The following SND1 variants were observed in gnomAD, a reference collection of about 807,000 sequenced individuals.
SND1 encodes the protein staphylococcal nuclease domain-containing protein 1.
In SND1, 38 loss-of-function variants were observed where a neutral mutation model predicts 121.7. The ratio of observed to expected loss-of-function variants is 0.31; its 90% CI spans 0.24 to 0.41. SND1 has a LOEUF of 0.41. SND1 is among the 10% of genes least tolerant of loss of function. The pLI, the probability that SND1 is intolerant of heterozygous loss-of-function variation, is 1.00. For synonymous variants in SND1, 401 were observed against 447.4 expected, an observed-to-expected ratio of 0.90 and a Z score of 1.31; for missense variants, 868 against 1,184.6, an observed-to-expected ratio of 0.73 and a Z score of 3.92.
At chr7:128,018,713 C>G (rs1278086861) in intron 16 of SND1, among the ~76,000 whole-genome samples, 1 of 152,188 alleles carries the variant, frequency 6.6e-6, no homozygotes, top group Non-Finnish European at 1.5e-5. Flanking sequence ...CTATCACAGG[C>G]AAGCCACCAG....
chr7:128,054,979 T>C (rs1253290197), intron 16 of SND1, among the ~76,000 whole-genome samples: 1 of 152,240 alleles, frequency 6.6e-6, no homozygotes, highest in Non-Finnish European at 1.5e-5. Context: ...GTCTGCAGTG[T>C]AGAGTTATTC....
At chr7:127,830,563 C>CTAT in intron 11 of SND1, among the ~76,000 whole-genome samples, 1 of 152,204 alleles carries the variant, frequency 6.6e-6, no homozygotes, top group South Asian at 2.1e-4. Context: ...ATTTGCTTTT[C>CTAT]TATTTGGACA....
At chr7:127,958,750 C>G (rs1265746788) in intron 15 of SND1, among the ~76,000 whole-genome samples, 1 of 152,190 alleles carries the variant, frequency 6.6e-6, no homozygotes, top group Non-Finnish European at 1.5e-5. Flanking sequence ...TTCCCCGCCT[C>G]TGTAGAATAC....
At position 127,786,933 on chromosome 7, in the gene SND1, C is replaced by T. The variant is rs370259953; in HGVS notation, c.1153-20551C>T. 1.6e-4 allele frequency among the ~76,000 whole-genome samples: 24 copies of T among 152,308 alleles called. No homozygotes were observed. The East Asian group carries it at 2.3e-3, about 15-fold the overall frequency. On this transcript the variant is annotated intron_variant, in intron 10 of 23. Transcript: ENST00000354725. ...CTGGGATTACAGGCGTGAGCCACCG[C>T]GCCCGGCCTTGTTTGTTTTTAAGAA...
chr7:127,745,949 GT>G (rs1030134549), intron 10 of SND1, among the ~76,000 whole-genome samples: 3 of 152,192 alleles, frequency 2.0e-5, no homozygotes, highest in African/African-American at 4.8e-5. Context: ...CCTCTGCCTG[GT>G]TGCTTACACT....
chr7:127,839,260 G>A (rs1450445623), intron 11 of SND1, among the ~76,000 whole-genome samples: 2 of 152,160 alleles, frequency 1.3e-5, no homozygotes, highest in Non-Finnish European at 2.9e-5. Flanking sequence ...GGGTAATAAA[G>A]GGGTTATTTT....
At chr7:128,040,037 A>G (rs544158928) in intron 16 of SND1, among the ~76,000 whole-genome samples, 11 of 152,060 alleles carry the variant, frequency 7.2e-5, no homozygotes, top group Non-Finnish European at 1.5e-4. Flanking sequence ...TCTCATCTCT[A>G]TTACCTGTCA....
At chr7:127,752,618 A>G (rs894420101) in intron 10 of SND1, among the ~76,000 whole-genome samples, 3 of 152,220 alleles carry the variant, frequency 2.0e-5, no homozygotes. Context: ...ATAAATATGT[A>G]AGCAAATATT....
At chr7:127,693,881 A>G (rs766976865) in intron 2 of SND1, among the ~76,000 whole-genome samples, 34 of 152,316 alleles carry the variant, frequency 2.2e-4, no homozygotes, top group East Asian at 1.4e-3. Flanking sequence ...CACTGTGCCA[A>G]TGGCTTCAGA....
chr7:128,006,521 G>A (rs1282087644), intron 16 of SND1, among the ~76,000 whole-genome samples: 1 of 152,232 alleles, frequency 6.6e-6, no homozygotes. Context: ...GAGGACCAGG[G>A]TTCTTTGAAT....
intron 13 of SND1, among the ~76,000 whole-genome samples, chr7:127,895,595 G>C (rs1220636163): frequency 1.3e-5 from 2 of 152,064 alleles, no homozygotes; most frequent in African/African-American, 4.8e-5. Flanking sequence ...TTCGCTGTTG[G>C]GGAGTAGGGA....
intron 1 of SND1, among the ~76,000 whole-genome samples, chr7:127,685,590 C>T (rs1795798333): frequency 6.6e-6 from 1 of 152,218 alleles, no homozygotes; most frequent in African/African-American, 2.4e-5. Context: ...TTCTTCTCCC[C>T]TGCAAATACT....
At chr7:127,892,660 T>C (rs1046416579) in intron 13 of SND1, among the ~76,000 whole-genome samples, 4 of 152,140 alleles carry the variant, frequency 2.6e-5, no homozygotes, top group African/African-American at 9.7e-5. Flanking sequence ...CATTACCTTA[T>C]GTCCTAGCAA....
intron 10 of SND1, among the ~76,000 whole-genome samples, chr7:127,742,075 C>G (rs1449475282): frequency 6.6e-6 from 1 of 152,142 alleles, no homozygotes; most frequent in East Asian, 1.9e-4. Context: ...GGTGTTCTTT[C>G]TAATCCTTAG....
intron 1 of SND1, among the ~76,000 whole-genome samples, chr7:127,653,431 A>C (rs919550556): frequency 2.9e-4 from 44 of 152,130 alleles, no homozygotes; most frequent in Admixed American, 2.9e-3. Flanking sequence ...TGCAGTTCTG[A>C]CATTTGTATC....
chr7:128,042,372 C>A (rs1792870755), intron 16 of SND1: 1 of 152,238 alleles, frequency 6.6e-6, no homozygotes, highest in African/African-American at 2.4e-5. Flanking sequence ...CAACTTACGC[C>A]CTGTCCTTCC....
chr7:127,795,943 C>T (rs944316960), intron 10 of SND1, among the ~76,000 whole-genome samples: 3 of 151,842 alleles, frequency 2.0e-5, no homozygotes, highest in Admixed American at 1.3e-4. Flanking sequence ...CTGCAAGCTC[C>T]GCCTCCCGGG....
intron 12 of SND1, among the ~76,000 whole-genome samples, chr7:127,867,805 A>G (rs757858533): frequency 1.3e-5 from 2 of 151,986 alleles, no homozygotes; most frequent in Non-Finnish European, 2.9e-5. Context: ...ATCATTCCAT[A>G]ACCTTAGGAG....
chr7:127,970,829 G>A (rs542942829), intron 15 of SND1, among the ~76,000 whole-genome samples: 1 of 152,190 alleles, frequency 6.6e-6, no homozygotes, highest in African/African-American at 2.4e-5. Context: ...CCTGATTAGG[G>A]CCAGGTATGG....
Sources: gnomAD v4.1 joint callset for allele counts (sites outside exome capture counted in the v4.1 genomes callset) on GRCh38, gnomAD v4.1.1 for gene constraint, MANE v1.5 for transcripts, NCBI Gene and HGNC (gene_info 2026-07-23, HGNC 2026-07-21) for gene names.